The following SLCO2A1 variants were observed in gnomAD, a reference collection of about 807,000 sequenced individuals.
SLCO2A1 encodes solute carrier organic anion transporter family member 2A1, also known as matrin F/G 1.
SLCO2A1 carries 60 observed loss-of-function variants against 71.7 expected under a neutral mutation model. The ratio of observed to expected loss-of-function variants is 0.84; its 90% CI spans 0.68 to 1.04. The LOEUF (loss-of-function observed/expected upper bound fraction) is 1.04. Among genes scored for constraint, SLCO2A1 ranks in the 50% least tolerant of loss-of-function variants. The pLI, the probability that SLCO2A1 is intolerant of heterozygous loss-of-function variation, is 0.00. For missense variants in SLCO2A1, 745 were observed against 813.4 expected (o/e 0.92, Z 1.02); for synonymous variants, 308 against 326.7 (o/e 0.94, Z 0.62).
chr3:133,955,532 C>T (rs761408227), intron 3 of SLCO2A1, among the ~76,000 whole-genome samples: 3 of 152,142 alleles, frequency 2.0e-5, no homozygotes, highest in Non-Finnish European at 4.4e-5. Context: ...TCAGTACCTT[C>T]ATCTGTGGAG....
intron 1 of SLCO2A1, among the ~76,000 whole-genome samples, chr3:134,007,018 C>T (rs1470947234): frequency 6.6e-6 from 1 of 152,196 alleles, no homozygotes; most frequent in Non-Finnish European, 1.5e-5. Context: ...TTTATAGTAG[C>T]CATCCTAATG....
At chr3:133,945,319 A>G in intron 9 of SLCO2A1, 59 bp from the exon 10 acceptor site, 1 of 1,495,754 alleles carries the variant, frequency 6.7e-7, no homozygotes, top group Non-Finnish European at 9.0e-7. Context: ...AAAACCCTAC[A>G]CTCCAGCCCA....
intron 1 of SLCO2A1, among the ~76,000 whole-genome samples, chr3:134,015,775 A>G (rs554761357): frequency 5.3e-5 from 8 of 152,332 alleles, no homozygotes; most frequent in Non-Finnish European, 7.3e-5. Flanking sequence ...GGGCTCATCA[A>G]ATAAAAATAA....
At chr3:133,999,026 C>T (rs1263742358) in intron 1 of SLCO2A1, among the ~76,000 whole-genome samples, 3 of 152,228 alleles carry the variant, frequency 2.0e-5, no homozygotes, top group Non-Finnish European at 4.4e-5. Context: ...GCCTGCCTAG[C>T]TCTGACTCCA....
chr3:133,952,441 C>T (rs1367890620), intron 5 of SLCO2A1, among the ~76,000 whole-genome samples: 6 of 152,192 alleles, frequency 3.9e-5, no homozygotes, highest in African/African-American at 1.4e-4. Context: ...CTTTCAGCCA[C>T]CCCTTCAGCC....
chr3:133,986,636 G>A (rs138919761), intron 1 of SLCO2A1, among the ~76,000 whole-genome samples: 2 of 152,204 alleles, frequency 1.3e-5, no homozygotes, highest in African/African-American at 4.8e-5. Flanking sequence ...TGGCCACGAA[G>A]TTCTTTAATA....
In SLCO2A1 at chr3:134,021,762, G is replaced by GA. The variant is rs1427962062; in HGVS notation, c.96+7944dup. ...AAGAGAGAGATATACAAGTAGTTAAGAAAAAAAAAGTGTACCCTATAAAAG... is the reference window on the plus strand; with the variant it reads ...AAGAGAGAGATATACAAGTAGTTAAGAAAAAAAAAAGTGTACCCTATAAAAG... On this transcript the variant is annotated intron_variant, in intron 1 of 13. Coordinates refer to ENST00000310926, the MANE Select transcript of SLCO2A1 (RefSeq NM_005630.3). Among the ~76,000 whole-genome samples the GA allele has an allele frequency of 1.1e-4, 16 of 149,744 alleles. No individual in the cohort carries two copies. The East Asian group carries it at 3.1e-3, about 29-fold the overall frequency.
intron 10 of SLCO2A1, 113 bp from the exon 11 acceptor site, chr3:133,942,881 C>T (rs1335310274): frequency 8.6e-7 from 1 of 1,163,618 alleles, no homozygotes; most frequent in South Asian, 1.9e-5. Flanking sequence ...CCCTTGTGTC[C>T]TCTGGGTCTG....
chr3:133,949,735 T>C (rs1933689600), intron 6 of SLCO2A1, among the ~76,000 whole-genome samples: 2 of 152,244 alleles, frequency 1.3e-5, no homozygotes, highest in South Asian at 2.1e-4. Flanking sequence ...CCCATACTGC[T>C]ACTCTAATTA....
chr3:133,973,597 C>A, intron 3 of SLCO2A1, 66 bp downstream of exon 3: 7 of 1,550,764 alleles, frequency 4.5e-6, no homozygotes. Flanking sequence ...TAGGAGTATC[C>A]CCACTAACTT....
At chr3:134,027,469 C>T (rs1024398081) in intron 1 of SLCO2A1, among the ~76,000 whole-genome samples, 1 of 152,222 alleles carries the variant, frequency 6.6e-6, no homozygotes. Context: ...CAATCGATCA[C>T]GACCCTCTCA....
intron 10 of SLCO2A1, 114 bp downstream of exon 10, chr3:133,944,981 G>GTA: frequency 8.8e-7 from 1 of 1,134,108 alleles, no homozygotes; most frequent in Non-Finnish European, 1.2e-6. Context: ...CTGGTAATGA[G>GTA]TGTGTGTGTG....
chr3:134,019,707 G>C (rs1199643426), intron 1 of SLCO2A1, among the ~76,000 whole-genome samples: 2 of 152,120 alleles, frequency 1.3e-5, no homozygotes, highest in African/African-American at 4.8e-5. Flanking sequence ...TTAGCAGGTG[G>C]CTGGGATGGG....
At chr3:133,973,100 C>A (rs1373003780) in intron 3 of SLCO2A1, among the ~76,000 whole-genome samples, 1 of 152,170 alleles carries the variant, frequency 6.6e-6, no homozygotes, top group African/African-American at 2.4e-5. Flanking sequence ...GGCAAAAAAG[C>A]ATCTATGATC....
At chr3:133,951,405 CAG>C in intron 5 of SLCO2A1, 61 bp from the exon 6 acceptor site, 1 of 1,591,316 alleles carries the variant, frequency 6.3e-7, no homozygotes, top group Admixed American at 1.7e-5. Context: ...TTACTGGAAA[CAG>C]AACCTCTGAT....
At chr3:133,991,734 G>T (rs1934850857) in intron 1 of SLCO2A1, among the ~76,000 whole-genome samples, 1 of 152,200 alleles carries the variant, frequency 6.6e-6, no homozygotes, top group African/African-American at 2.4e-5. Context: ...GGGAGGGGAG[G>T]CTGCAGGGGG....
chr3:134,018,113 C>A (rs964657417), intron 1 of SLCO2A1, among the ~76,000 whole-genome samples: 2 of 152,162 alleles, frequency 1.3e-5, no homozygotes, highest in Admixed American at 1.3e-4. Flanking sequence ...CCACCTGATC[C>A]TACCCGTTCC....
intron 1 of SLCO2A1, among the ~76,000 whole-genome samples, chr3:133,996,840 G>A (rs1476097989): frequency 6.6e-6 from 1 of 152,140 alleles, no homozygotes; most frequent in East Asian, 1.9e-4. Context: ...CTCCACATGG[G>A]AAAAAAGCAC....
At chr3:133,971,134 G>A (rs1044655873) in intron 3 of SLCO2A1, among the ~76,000 whole-genome samples, 8 of 152,362 alleles carry the variant, frequency 5.3e-5, no homozygotes, top group East Asian at 3.9e-4. Context: ...CCCTCCCCTC[G>A]GCCTGGCCAC....
Sources: gnomAD v4.1 joint callset for allele counts (sites outside exome capture counted in the v4.1 genomes callset) on GRCh38, gnomAD v4.1.1 for gene constraint, MANE v1.5 for transcripts, NCBI Gene and HGNC (gene_info 2026-07-23, HGNC 2026-07-21) for gene names.